Variants in AGAP1 observed in about 807,000 individuals in gnomAD.
AGAP1 encodes the protein arf-GAP with GTPase, ANK repeat and PH domain-containing protein 1.
AGAP1 carries 29 observed loss-of-function variants against 105.3 expected under a neutral mutation model. The observed-to-expected ratio is 0.28, with a 90% confidence interval of 0.21 to 0.38. The LOEUF (loss-of-function observed/expected upper bound fraction) is 0.38. AGAP1 is among the 10% of genes least tolerant of loss of function. The pLI, the probability that AGAP1 is intolerant of heterozygous loss-of-function variation, is 1.00. For missense variants in AGAP1, 998 were observed against 1,165.1 expected, an observed-to-expected ratio of 0.86 and a Z score of 2.09; for synonymous variants, 509 against 485.9, an observed-to-expected ratio of 1.05 and a Z score of -0.63.
chr2:235,651,184 C>CAAAAAAAAAAAAAAAAAAAAA lies in AGAP1; in HGVS notation c.164-57982_164-57962dup, dbSNP rs55990003. Among the ~76,000 whole-genome samples the CAAAAAAAAAAAAAAAAAAAAA allele has an allele frequency of 9.2e-5, 5 of 54,154 alleles. 1 individual carries two copies. Among genetic ancestry groups the CAAAAAAAAAAAAAAAAAAAAA allele is most frequent in the African/African-American group, 2.5e-4 (5 of 20,106 alleles). 35.5% of individuals were successfully genotyped at this position (54,154 alleles called of 152,430 possible). ...AGAGTGACAGAGTGAAACTCCATCT[C>CAAAAAAAAAAAAAAAAAAAAA]AAAAAAAAAAAAAAAAAAAAAAAAA... is the stretch of plus-strand genomic sequence containing the variant. On this transcript the variant is annotated intron_variant, in intron 1 of 17. Coordinates refer to ENST00000304032, the MANE Select transcript of AGAP1 (RefSeq NM_001037131.3).
intron 1 of AGAP1, chr2:235,669,837 A>G (rs1387675973): frequency 6.8e-6 from 1 of 147,632 alleles, no homozygotes; most frequent in African/African-American, 2.4e-5. Flanking sequence ...TGCCGGCGAG[A>G]GCGCTCTAGC....
At chr2:236,011,909 T>C (rs1046768395) in intron 13 of AGAP1, among the ~76,000 whole-genome samples, 2 of 151,940 alleles carry the variant, frequency 1.3e-5, no homozygotes, top group Non-Finnish European at 2.9e-5. Context: ...TGGCACAGTG[T>C]CTCCGTAGCC....
intron 6 of AGAP1, among the ~76,000 whole-genome samples, chr2:235,760,997 G>A (rs866626040): frequency 5.3e-5 from 8 of 152,284 alleles, no homozygotes; most frequent in African/African-American, 1.4e-4. Flanking sequence ...AATTATCATT[G>A]TGCTCCATAC....
At chr2:235,779,470 C>A (rs1024020912) in intron 6 of AGAP1, among the ~76,000 whole-genome samples, 8 of 152,338 alleles carry the variant, frequency 5.3e-5, no homozygotes, top group Non-Finnish European at 8.8e-5. Context: ...CCAGGCTCTT[C>A]GAATGCCATA....
chr2:235,803,812 G>T (rs541151684), intron 8 of AGAP1, among the ~76,000 whole-genome samples: 1 of 152,104 alleles, frequency 6.6e-6, no homozygotes, highest in East Asian at 1.9e-4. Flanking sequence ...ATTTGCAGTA[G>T]GAATTCTACT....
Position 235,931,020 on chromosome 2 carries a change from C to G in AGAP1, c.1483+97C>G. ...GGACGCCCTAAGCTCTCATGCTCCT[C>G]TGGGAGCGCAGCACCCTGTGGGGCG... On this transcript the variant is annotated intron_variant, in intron 12 of 17. Transcript: ENST00000304032. The surrounding 1 kb of genome is among the most constrained non-coding windows in gnomAD (Gnocchi z 5.6). The G allele has an allele frequency of 3.6e-6, 5 of 1,397,432 alleles. No individual in the cohort carries two copies. The Admixed American group carries it at 1.2e-4, about 34-fold the overall frequency. The allele number at this position is 1,397,432 out of a possible 1,614,324, so 86.6% of individuals were successfully genotyped here.
chr2:235,760,304 G>A (rs1421446422), intron 6 of AGAP1, among the ~76,000 whole-genome samples: 3 of 152,234 alleles, frequency 2.0e-5, no homozygotes, highest in East Asian at 3.8e-4. Flanking sequence ...TCTTGAACCC[G>A]GGAGGCGGAG....
chr2:236,039,685 A>G (rs1576140648), intron 14 of AGAP1, among the ~76,000 whole-genome samples: 1 of 152,358 alleles, frequency 6.6e-6, no homozygotes, highest in East Asian at 1.9e-4. Flanking sequence ...GTCAGAGAGT[A>G]TGTGACAGCA....
At chr2:235,511,644 TCTC>T (rs1942114676) in intron 1 of AGAP1, among the ~76,000 whole-genome samples, 1 of 151,802 alleles carries the variant, frequency 6.6e-6, no homozygotes, top group South Asian at 2.1e-4. Context: ...CAAGAGAAAA[TCTC>T]CTGGAAACTT....
rs373652440 is a variant in AGAP1 at position 236,083,153 on chromosome 2, C to CA, written c.2114+33881dup. Among the ~76,000 whole-genome samples, 880 of 142,796 alleles carry CA rather than the reference C, an allele frequency of 6.2e-3. 2 individuals are homozygous for CA. The highest frequency in any genetic ancestry group is 0.019 in the Middle Eastern group (5 of 270). 93.7% of individuals were successfully genotyped at this position (142,796 alleles called of 152,430 possible). A position where few individuals can be genotyped will look rare whatever the true frequency, so the allele number is the denominator to read the frequency against. ...CTAGGCAACGAGCGAAATTCCATCT[C>CA]AAAAAAAAAGAAAAAGAAAAGAGGC... On this transcript the variant is annotated intron_variant, in intron 16 of 17. Coordinates refer to ENST00000304032, the MANE Select transcript of AGAP1 (RefSeq NM_001037131.3). The surrounding 1 kb of genome is among the most constrained non-coding windows in gnomAD (Gnocchi z 5.3).
chr2:235,702,073 A>T (rs1950283874), intron 1 of AGAP1, among the ~76,000 whole-genome samples: 1 of 152,094 alleles, frequency 6.6e-6, no homozygotes, highest in Non-Finnish European at 1.5e-5. Context: ...TCCTTTTTTT[A>T]GCCTTGTGTA....
In AGAP1 at chr2:235,964,599, C is replaced by T. The variant is rs1324048626; in HGVS notation, c.1484-3863C>T. Reference sequence around the variant, plus strand: ...GTAATGATCTTGGGGTCTCTGGATGCCCCACCCCCTGAACGTTATGAGGCT... The same window carrying T: ...GTAATGATCTTGGGGTCTCTGGATGTCCCACCCCCTGAACGTTATGAGGCT... On this transcript the variant is annotated intron_variant, in intron 12 of 17. Transcript: ENST00000304032. The surrounding 1 kb of genome is among the most constrained non-coding windows in gnomAD (Gnocchi z 4.6). Among the ~76,000 whole-genome samples the T allele has an allele frequency of 6.6e-6, 1 of 152,080 alleles. No individual in the cohort carries two copies. Among genetic ancestry groups the T allele is most frequent in the Non-Finnish European group, 1.5e-5 (1 of 68,006 alleles).
At chr2:235,687,800 A>T (rs888303926) in intron 1 of AGAP1, among the ~76,000 whole-genome samples, 3 of 151,910 alleles carry the variant, frequency 2.0e-5, no homozygotes, top group Non-Finnish European at 4.4e-5. Context: ...GGCAAAGTAC[A>T]CATTACTGAG....
rs1948084853 is a variant in AGAP1 at position 235,665,103 on chromosome 2, G to A, written c.164-44076G>A. 6.6e-6 allele frequency among the ~76,000 whole-genome samples: 1 copy of A among 152,008 alleles called. No homozygotes were observed. Among genetic ancestry groups the A allele is most frequent in the Non-Finnish European group, 1.5e-5 (1 of 68,016 alleles). ...CCAGGGGTGGTGACATGTGCCTGTG[G>A]TCCCAGCTATTCAGGAGGCAGGAGG... On this transcript the variant is annotated intron_variant, in intron 1 of 17. Coordinates refer to ENST00000304032, the MANE Select transcript of AGAP1 (RefSeq NM_001037131.3). This position sits in a 1 kb window ranked among gnomAD's most constrained non-coding sequence, Gnocchi z 5.3.
At chr2:235,684,542 G>GT (rs1232704199) in intron 1 of AGAP1, among the ~76,000 whole-genome samples, 3 of 152,194 alleles carry the variant, frequency 2.0e-5, no homozygotes, top group African/African-American at 7.2e-5. Context: ...CTTCTGGACT[G>GT]TAACTTTTGC....
At chr2:236,068,200 G>A (rs1187005677) in intron 16 of AGAP1, among the ~76,000 whole-genome samples, 1 of 152,098 alleles carries the variant, frequency 6.6e-6, no homozygotes, top group Non-Finnish European at 1.5e-5. Flanking sequence ...GAATCCAGGA[G>A]GCAGAGGTTG....
chr2:235,852,823 A>AGCCCAGCTGTCCGGG (rs1209582171), intron 9 of AGAP1: 1 of 1,505,960 alleles, frequency 6.6e-7, no homozygotes. Flanking sequence ...GCCCACAATC[A>AGCCCAGCTGTCCGGG]GCCCAGCTGT....
chr2:235,598,135 TC>T (rs1269091557), intron 1 of AGAP1, among the ~76,000 whole-genome samples: 7 of 152,074 alleles, frequency 4.6e-5, no homozygotes, highest in African/African-American at 1.7e-4. Flanking sequence ...CTTTGGGTCT[TC>T]CGGTTTCCGT....
chr2:236,066,507 C>G (rs1008714899), intron 16 of AGAP1, among the ~76,000 whole-genome samples: 2 of 152,112 alleles, frequency 1.3e-5, no homozygotes, highest in African/African-American at 4.8e-5. Flanking sequence ...ATTACAGGCG[C>G]GGGACACTGT....
Sources: gnomAD v4.1 joint callset for allele counts (sites outside exome capture counted in the v4.1 genomes callset) on GRCh38, gnomAD v4.1.1 for gene constraint, Gnocchi (gnomAD v3.1) non-coding constraint, MANE v1.5 for transcripts, NCBI Gene and HGNC (gene_info 2026-07-23, HGNC 2026-07-21) for gene names.